The following ARL6IP5 variants were observed in gnomAD, a reference collection of about 807,000 sequenced individuals.
The protein encoded by ARL6IP5 is ARF like GTPase 6 interacting protein 5.
In ARL6IP5, 6 loss-of-function variants were observed where a neutral mutation model predicts 13.0. The ratio of observed to expected loss-of-function variants is 0.46; its 90% CI spans 0.25 to 0.91. The LOEUF is 0.91. Among genes scored for constraint, ARL6IP5 ranks in the 40% least tolerant of loss-of-function variants. The pLI is 0.17. For synonymous variants in ARL6IP5, 91 were observed against 91.9 expected (o/e 0.99, Z 0.06); for missense variants, 208 against 248.8 (o/e 0.84, Z 1.10).
At chr3:69,086,640 G>GC (rs2092248486) in intron 1 of ARL6IP5, among the ~76,000 whole-genome samples, 1 of 152,150 alleles carries the variant, frequency 6.6e-6, no homozygotes, top group Admixed American at 6.5e-5. Context: ...GGTGGGGCAG[G>GC]CCCAAGGCCT....
intron 2 of ARL6IP5, 150 bp downstream of exon 2, chr3:69,102,206 A>G: frequency 1.3e-6 from 1 of 762,966 alleles, no homozygotes; most frequent in Non-Finnish European, 2.1e-6. Flanking sequence ...TTATCCAACT[A>G]GACCCAGATA....
rs915017375 is a variant in ARL6IP5, at chr3:69,104,882, TG to T, written c.*249del. ...TTTCACGTGTGTTTATGAAATCTAA[TG>T]GGAAATGGATCACACGATTTCTTTA... On this transcript the variant is annotated 3_prime_UTR_variant, in exon 3 of 3. Coordinates refer to ENST00000273258, the MANE Select transcript of ARL6IP5 (RefSeq NM_006407.4). 2 of 702,944 alleles carry T rather than the reference TG, an allele frequency of 2.8e-6. No individual in the cohort carries two copies. Among genetic ancestry groups the T allele is most frequent in the African/African-American group, 3.5e-5 (2 of 57,048 alleles). 43.5% of individuals were successfully genotyped at this position (702,944 alleles called of 1,614,324 possible). A position where few individuals can be genotyped will look rare whatever the true frequency, so the allele number is the denominator to read the frequency against.
At chr3:69,097,338 TG>T (rs2092290396) in intron 1 of ARL6IP5, among the ~76,000 whole-genome samples, 1 of 146,014 alleles carries the variant, frequency 6.8e-6, no homozygotes, top group Non-Finnish European at 1.5e-5. Flanking sequence ...TTTTGTGGGG[TG>T]TTTTTTTTTT....
At chr3:69,088,129 G>T (rs1371803471) in intron 1 of ARL6IP5, among the ~76,000 whole-genome samples, 2 of 152,124 alleles carry the variant, frequency 1.3e-5, no homozygotes, top group South Asian at 2.1e-4. Context: ...TTAGGCTTGT[G>T]CTCTTAACTA....
chr3:69,095,585 C>T (rs1430251691), intron 1 of ARL6IP5, among the ~76,000 whole-genome samples: 5 of 151,702 alleles, frequency 3.3e-5, no homozygotes, highest in African/African-American at 1.2e-4. Context: ...ACCTCCACCT[C>T]CCAGGTTCAA....
chr3:69,100,554 C>A (rs1305732254), intron 1 of ARL6IP5, among the ~76,000 whole-genome samples: 1 of 151,948 alleles, frequency 6.6e-6, no homozygotes, highest in African/African-American at 2.4e-5. Flanking sequence ...CCGAGCTGGG[C>A]AGATCACTTG....
At chr3:69,099,538 A>G (rs2092299250) in intron 1 of ARL6IP5, among the ~76,000 whole-genome samples, 1 of 152,182 alleles carries the variant, frequency 6.6e-6, no homozygotes, top group Admixed American at 6.5e-5. Flanking sequence ...AAAATGTTCA[A>G]AATTCCTTTT....
Position 69,102,012 on chromosome 3 carries a change from G to A in ARL6IP5, c.350G>A (p.Gly117Glu). The A allele has an allele frequency of 1.4e-5, 23 of 1,614,128 alleles. No individual in the cohort carries two copies. The highest frequency in any genetic ancestry group is 1.9e-5 in the Non-Finnish European group (22 of 1,180,022). The change falls in exon 2 of 3, where the codon GGA (glycine) becomes GAA (glutamate). Residue 117 changes from glycine to glutamate, a missense_variant. Gly to Glu is a moderately conservative substitution (Grantham distance 98). Coordinates refer to ENST00000273258, the MANE Select transcript of ARL6IP5 (RefSeq NM_006407.4). Reference protein sequence around the residue: ...LASYFLISMFGGVMVFVFGIT... With the variant: ...LASYFLISMFEGVMVFVFGIT... ...AGCTATTTCCTTATCTCCATGTTTGGAGGAGTCATGGTCTTTGTGTTTGGC... is the reference window on the plus strand; with the variant it reads ...AGCTATTTCCTTATCTCCATGTTTGAAGGAGTCATGGTCTTTGTGTTTGGC...
At chr3:69,098,067 A>G (rs544662626) in intron 1 of ARL6IP5, among the ~76,000 whole-genome samples, 2 of 151,710 alleles carry the variant, frequency 1.3e-5, no homozygotes, top group Admixed American at 1.3e-4. Flanking sequence ...TATACTAATT[A>G]TAGAAATTTC....
At chr3:69,089,325 C>T (rs1301193396) in intron 1 of ARL6IP5, among the ~76,000 whole-genome samples, 2 of 152,066 alleles carry the variant, frequency 1.3e-5, no homozygotes, top group African/African-American at 2.4e-5. Context: ...TCTTGAACCC[C>T]GTAACTTCTG....
intron 1 of ARL6IP5, among the ~76,000 whole-genome samples, chr3:69,085,509 C>T (rs940822838): frequency 1.8e-4 from 28 of 152,210 alleles, no homozygotes; most frequent in African/African-American, 6.8e-4. Context: ...CCCCCACCCC[C>T]CTGCCCCCGC....
intron 1 of ARL6IP5, 65 bp from the exon 2 acceptor site, chr3:69,101,774 T>G: frequency 7.3e-7 from 1 of 1,373,956 alleles, no homozygotes; most frequent in Non-Finnish European, 1.0e-6. Context: ...TTTACTCCTC[T>G]TTCTCCTTTT....
chr3:69,102,260 T>G, intron 2 of ARL6IP5: 1 of 596,144 alleles, frequency 1.7e-6, no homozygotes, highest in East Asian at 2.8e-5. Flanking sequence ...GGCCTTATAG[T>G]TCATTAATTC....
chr3:69,100,827 C>A (rs1173628719), intron 1 of ARL6IP5, among the ~76,000 whole-genome samples: 1 of 151,666 alleles, frequency 6.6e-6, no homozygotes, highest in Non-Finnish European at 1.5e-5. Context: ...TAGCACCTCA[C>A]TTTGGGCCTA....
At chr3:69,090,202 T>TATTGAAATGATTGCAGATAGA (rs2092260972) in intron 1 of ARL6IP5, among the ~76,000 whole-genome samples, 1 of 152,246 alleles carries the variant, frequency 6.6e-6, no homozygotes, top group African/African-American at 2.4e-5. Flanking sequence ...GATCAGAATC[T>TATTGAAATGATTGCAGATAGA]ATTGAAATGA....
intron 2 of ARL6IP5, among the ~76,000 whole-genome samples, chr3:69,104,129 A>G (rs1178014003): frequency 6.6e-6 from 1 of 152,178 alleles, no homozygotes; most frequent in African/African-American, 2.4e-5. Context: ...GTAGGATGGA[A>G]TCCCGTTGAT....
intron 1 of ARL6IP5, among the ~76,000 whole-genome samples, chr3:69,092,088 G>T (rs2092269336): frequency 6.6e-6 from 1 of 151,978 alleles, no homozygotes; most frequent in Non-Finnish European, 1.5e-5. Context: ...CTTGAAATGA[G>T]CGTGGCTTCC....
chr3:69,099,495 A>G (rs1331741250), intron 1 of ARL6IP5, among the ~76,000 whole-genome samples: 1 of 152,224 alleles, frequency 6.6e-6, no homozygotes, highest in Non-Finnish European at 1.5e-5. Context: ...AATTTCACCC[A>G]TTCAGGTGTG....
intron 1 of ARL6IP5, among the ~76,000 whole-genome samples, chr3:69,097,640 A>T (rs1424426476): frequency 1.3e-5 from 2 of 152,144 alleles, no homozygotes; most frequent in African/African-American, 4.8e-5. Flanking sequence ...TCTTTCCCAG[A>T]CCAATTCCGG....
Sources: gnomAD v4.1 joint callset for allele counts (sites outside exome capture counted in the v4.1 genomes callset) on GRCh38, gnomAD v4.1.1 for gene constraint, MANE v1.5 for transcripts, NCBI Gene and HGNC (gene_info 2026-07-23, HGNC 2026-07-21) for gene names.